The following VSNL1 variants were observed in gnomAD, a reference collection of about 807,000 sequenced individuals.
VSNL1 encodes the protein visinin like 1.
In VSNL1, 6 loss-of-function variants were observed where a neutral mutation model predicts 20.4. That is an observed-to-expected ratio of 0.29 (90% confidence interval 0.16 to 0.58). VSNL1 has a LOEUF of 0.58. VSNL1 is among the 20% of genes least tolerant of loss of function. The pLI is 0.90. For synonymous variants in VSNL1, 93 were observed against 86.4 expected, an observed-to-expected ratio of 1.08 and a Z score of -0.42; for missense variants, 100 against 234.5, an observed-to-expected ratio of 0.43 and a Z score of 3.75.
chr2:17,577,742 G>C, intron 1 of VSNL1, among the ~76,000 whole-genome samples: 1 of 152,102 alleles, frequency 6.6e-6, no homozygotes, highest in East Asian at 1.9e-4. Context: ...CCTCACTTGG[G>C]GAAAAAAATG....
intron 2 of VSNL1, among the ~76,000 whole-genome samples, chr2:17,633,401 C>T (rs1665682319): frequency 6.7e-6 from 1 of 149,166 alleles, no homozygotes; most frequent in African/African-American, 2.5e-5. Context: ...TGCCTGTAAT[C>T]CTAGCTACTC....
intron 1 of VSNL1, among the ~76,000 whole-genome samples, chr2:17,548,810 G>A (rs1366517994): frequency 6.6e-6 from 1 of 152,178 alleles, no homozygotes; most frequent in Admixed American, 6.5e-5. Context: ...GGTGAGCGCA[G>A]TCCTAGAAAG....
At chr2:17,620,388 G>T (rs1477343269) in intron 2 of VSNL1, among the ~76,000 whole-genome samples, 1 of 152,200 alleles carries the variant, frequency 6.6e-6, no homozygotes, top group South Asian at 2.1e-4. Flanking sequence ...AGCGAGAAGG[G>T]CAGGCTAGAG....
At chr2:17,652,955 C>G (rs1209188295) in intron 3 of VSNL1, among the ~76,000 whole-genome samples, 2 of 152,232 alleles carry the variant, frequency 1.3e-5, no homozygotes, top group Admixed American at 1.3e-4. Context: ...GGGCTGAGAT[C>G]ATAGGGTTCA....
rs141290716 is a variant in VSNL1 at position 17,608,321 on chromosome 2, G to T, written c.162+16085G>T. On this transcript the variant is annotated intron_variant, in intron 2 of 3. Transcript: ENST00000295156. ...TTTTATCCATGTTCTTTTAAAAAAT[G>T]TGACATGTCTACCAGGAGCACGATA... Among the ~76,000 whole-genome samples, 630 of 152,320 alleles carry T rather than the reference G, an allele frequency of 4.1e-3. 6 individuals are homozygous for T. Among genetic ancestry groups the T allele is most frequent in the African/African-American group, 0.014 (584 of 41,570 alleles).
intron 2 of VSNL1, among the ~76,000 whole-genome samples, chr2:17,611,750 C>A (rs886914017): frequency 6.6e-6 from 1 of 152,218 alleles, no homozygotes; most frequent in African/African-American, 2.4e-5. Flanking sequence ...GTAATCCCCA[C>A]CCCATGCCCC....
At position 17,623,568 on chromosome 2, in the gene VSNL1, G is replaced by T. The variant is rs537330677; in HGVS notation, c.163-25842G>T. On this transcript the variant is annotated intron_variant, in intron 2 of 3. Coordinates refer to ENST00000295156, the MANE Select transcript of VSNL1 (RefSeq NM_003385.5). ...GCCTGTAGTCCCAGCTACTCGGGAG[G>T]CTGAGGCAGGAGAATGGCGTGAACC... 1.1e-4 allele frequency among the ~76,000 whole-genome samples: 17 copies of T among 151,692 alleles called. No individual in the cohort carries two copies. The South Asian group carries it at 2.9e-3, about 26-fold the overall frequency.
rs895539789 is a variant in VSNL1 at position 17,655,544 on chromosome 2, T to C, written c.*150T>C. On this transcript the variant is annotated 3_prime_UTR_variant, in exon 4 of 4. Transcript: ENST00000295156. The surrounding 1 kb of genome is among the most constrained non-coding windows in gnomAD (Gnocchi z 5.2). Reference sequence around the variant, plus strand: ...CTATAAATGGACTTGCTTCTTGTGTTTGAAACACTCGTGTGCATGAGAATG... The same window carrying C: ...CTATAAATGGACTTGCTTCTTGTGTCTGAAACACTCGTGTGCATGAGAATG... 22 of 720,350 alleles carry C rather than the reference T, an allele frequency of 3.1e-5. No individual in the cohort carries two copies. The highest frequency in any genetic ancestry group is 6.1e-5 in the South Asian group (3 of 49,276). The allele number at this position is 720,350 out of a possible 1,614,324, so 44.6% of individuals were successfully genotyped here.
At chr2:17,617,889 GCACACACA>G (rs70961501) in intron 2 of VSNL1, among the ~76,000 whole-genome samples, 1 of 149,660 alleles carries the variant, frequency 6.7e-6, no homozygotes, top group Non-Finnish European at 1.5e-5. Context: ...ACATGCACGC[GCACACACA>G]CACACACACA....
chr2:17,560,129 T>C (rs1233305791), intron 1 of VSNL1, among the ~76,000 whole-genome samples: 2 of 151,492 alleles, frequency 1.3e-5, no homozygotes, highest in African/African-American at 2.4e-5. Flanking sequence ...AAAGTGCTTA[T>C]ATGTAACTGT....
chr2:17,615,259 G>A (rs1350754770), intron 2 of VSNL1, among the ~76,000 whole-genome samples: 1 of 152,224 alleles, frequency 6.6e-6, no homozygotes, highest in African/African-American at 2.4e-5. Flanking sequence ...TGGTGAGAGT[G>A]AGGGTGCCCC....
intron 1 of VSNL1, among the ~76,000 whole-genome samples, chr2:17,575,794 C>G (rs1475403213): frequency 6.6e-6 from 1 of 152,104 alleles, no homozygotes; most frequent in African/African-American, 2.4e-5. Flanking sequence ...CTCGGCCTCC[C>G]AAAGTGCTGG....
intron 2 of VSNL1, among the ~76,000 whole-genome samples, chr2:17,625,171 C>A (rs1665481027): frequency 6.6e-6 from 1 of 152,184 alleles, no homozygotes; most frequent in South Asian, 2.1e-4. Context: ...AGGACTTGTT[C>A]CTCCTTGCCT....
chr2:17,590,116 G>A (rs1664566161), intron 1 of VSNL1, among the ~76,000 whole-genome samples: 1 of 152,162 alleles, frequency 6.6e-6, no homozygotes, highest in Non-Finnish European at 1.5e-5. Flanking sequence ...AATCCTGATT[G>A]CTCGGTGATT....
chr2:17,616,223 A>G (rs1346855819), intron 2 of VSNL1, among the ~76,000 whole-genome samples: 2 of 152,208 alleles, frequency 1.3e-5, no homozygotes, highest in Admixed American at 1.3e-4. Context: ...GGCCTGTGAC[A>G]TTCTCCCTTG....
chr2:17,574,252 A>T (rs1664151922), intron 1 of VSNL1, among the ~76,000 whole-genome samples: 1 of 151,910 alleles, frequency 6.6e-6, no homozygotes, highest in Non-Finnish European at 1.5e-5. Flanking sequence ...AGCAGAGTTC[A>T]GTTAACAGAT....
intron 1 of VSNL1, among the ~76,000 whole-genome samples, chr2:17,582,916 G>C (rs1029608005): frequency 5.9e-5 from 9 of 152,022 alleles, no homozygotes; most frequent in East Asian, 1.9e-4. Flanking sequence ...CTGAATAAAT[G>C]AATGAATTGA....
rs561458577 is a variant in VSNL1 at position 17,610,460 on chromosome 2, T to C, written c.162+18224T>C. Among the ~76,000 whole-genome samples the C allele has an allele frequency of 2.0e-5, 3 of 152,042 alleles. No individual in the cohort carries two copies. In the South Asian group the frequency reaches 6.2e-4, roughly 32 times the overall value. ...ACACTCAAGCCATATCTGAATATAG[T>C]GAACCAGGTGGTGATGAAAAGAAGG... On this transcript the variant is annotated intron_variant, in intron 2 of 3. Coordinates refer to ENST00000295156, the MANE Select transcript of VSNL1 (RefSeq NM_003385.5).
At chr2:17,615,813 CAA>C (rs1478547776) in intron 2 of VSNL1, among the ~76,000 whole-genome samples, 1 of 152,128 alleles carries the variant, frequency 6.6e-6, no homozygotes, top group African/African-American at 2.4e-5. Context: ...ATCAGGAAAT[CAA>C]AAGATTTCCA....
Sources: allele counts gnomAD v4.1 joint callset (sites outside exome capture counted in the v4.1 genomes callset), GRCh38; gene constraint gnomAD v4.1.1; non-coding constraint Gnocchi (gnomAD v3.1); transcripts MANE v1.5; gene names NCBI Gene and HGNC (gene_info 2026-07-23, HGNC 2026-07-21).